TTN: variants seen among roughly 807,000 people sequenced by gnomAD.
TTN encodes the protein connectin.
In TTN, 1,525 loss-of-function variants were observed where a neutral mutation model predicts 3,223.0. The observed-to-expected ratio is 0.47, with a 90% CI of 0.45 to 0.49. The LOEUF is 0.49. TTN is among the 20% of genes least tolerant of loss of function. The pLI is 0.00. For missense variants in TTN, 40,786 were observed against 43,424.0 expected (o/e 0.94, Z 5.40); for synonymous variants, 14,094 against 15,161.0 (o/e 0.93, Z 5.17).
chr2:178,729,347 T>G lies in TTN; in HGVS notation c.18809A>C (p.Gln6270Pro). The G allele has an allele frequency of 6.2e-7, 1 of 1,613,548 alleles. No homozygotes were observed. The highest frequency in any genetic ancestry group is 8.5e-7 in the Non-Finnish European group (1 of 1,179,600). The change falls in exon 64 of 363, where the codon CAG (glutamine) becomes CCG (proline). Residue 6270 changes from glutamine to proline, a missense_variant. Coordinates refer to ENST00000589042, the MANE Select transcript of TTN (RefSeq NM_001267550.2). ...KCDPSDTGEY[Q>P]CIVSNEGGSC... is the part of the protein sequence containing the mutation. Reference sequence around the variant, plus strand: ...GCCGCCTTCATTGGATACAATGCACTGGTATTCCCCAGTGTCTGAAGGGTC... The same window carrying G: ...GCCGCCTTCATTGGATACAATGCACGGGTATTCCCCAGTGTCTGAAGGGTC...
rs2154302642 is a variant in TTN, at chr2:178,723,153, C to T, written c.21854G>A (p.Cys7285Tyr). The T allele has an allele frequency of 1.2e-6, 2 of 1,613,466 alleles. No homozygotes were observed. The highest frequency in any genetic ancestry group is 2.2e-5 in the East Asian group (1 of 44,846). ...KCNIVTTEKTCILEILNSTKR... is the reference protein window; with the variant it reads ...KCNIVTTEKTYILEILNSTKR... ...TGTGCTATTCAGAATTTCCAGGATA[C>T]AAGTTTTCTCTGTTGTGACTATGTT... Residue 7285 changes from cysteine to tyrosine, a missense_variant, in exon 75 of 363, where the codon TGT becomes TAT. Coordinates refer to ENST00000589042, the MANE Select transcript of TTN (RefSeq NM_001267550.2).
At position 178,702,408 on chromosome 2, in the gene TTN, C is replaced by T. The variant is rs371438763; in HGVS notation, c.30433+46G>A. On this transcript the variant is annotated intron_variant, in intron 107 of 362. Transcript: ENST00000589042. ...ACAGGGTAGAAATACAGAAAACAGA[C>T]GAGGCTTAAATTATACATTCACTGG... 1.5e-4 allele frequency: 237 copies of T among 1,610,262 alleles called. 1 individual carries two copies. The African/African-American group carries it at 1.7e-3, about 11-fold the overall frequency.
chr2:178,744,888 C>G (rs1156516506), intron 47 of TTN: 6 of 985,116 alleles, frequency 6.1e-6, no homozygotes, highest in Non-Finnish European at 6.0e-6. Flanking sequence ...TTGCAAATGT[C>G]TAGGTGAACC....
At chr2:178,798,625 T>C (rs956564473) in intron 6 of TTN, 1 of 152,190 alleles carries the variant, frequency 6.6e-6, no homozygotes, top group African/African-American at 2.4e-5. Context: ...ATCATTCTTA[T>C]TGTGACTCTC....
chr2:178,720,248 C>T lies in TTN; in HGVS notation c.23394G>A (p.Val7798=), dbSNP rs758745049. The change falls in exon 81 of 363, where the codon GTG becomes GTA. Residue 7798 remains valine, a synonymous_variant. Transcript: ENST00000589042. Reference sequence around the variant, plus strand: ...GGGTTGAGGTGTCACTTAGCTTTTTCACGAATCGTGGAGGTTCTGATGAAA... The same window carrying T: ...GGGTTGAGGTGTCACTTAGCTTTTTTACGAATCGTGGAGGTTCTGATGAAA... ...SVKFKEPPRF[V]KKLSDTSTLI... 1 of 1,610,160 alleles carries T rather than the reference C, an allele frequency of 6.2e-7. No homozygotes were observed. The highest frequency in any genetic ancestry group is 1.7e-5 in the Admixed American group (1 of 59,754).
chr2:178,712,314 C>T lies in TTN; in HGVS notation c.27607+1G>A. 6.2e-7 allele frequency: 1 copy of T among 1,612,260 alleles called. No homozygotes were observed. Among genetic ancestry groups the T allele is most frequent in the African/African-American group, 1.3e-5 (1 of 74,944 alleles). ...GATAAAAATGTGCAATCATGACAAACCTAGTATGAGTATTTGTGCTGAACA... is the reference window on the plus strand; with the variant it reads ...GATAAAAATGTGCAATCATGACAAATCTAGTATGAGTATTTGTGCTGAACA... On this transcript the variant is annotated splice_donor_variant, in intron 95 of 362. Coordinates refer to ENST00000589042, the MANE Select transcript of TTN (RefSeq NM_001267550.2). LOFTEE classifies it high-confidence loss of function.
chr2:178,652,004 A>C, intron 204 of TTN, 37 bp from the exon 205 acceptor site: 2 of 1,611,178 alleles, frequency 1.2e-6, no homozygotes, highest in Non-Finnish European at 1.7e-6. Flanking sequence ...GCCAGAATTG[A>C]CTAAAACTGA....
intron 127 of TTN, among the ~76,000 whole-genome samples, chr2:178,687,785 C>T (rs1428734427): frequency 6.6e-6 from 1 of 152,142 alleles, no homozygotes; most frequent in Non-Finnish European, 1.5e-5. Flanking sequence ...GCCAGCCCAC[C>T]ATGCTGAAGC....
Position 178,715,707 on chromosome 2 carries a change from A to T in TTN, c.25707T>A (p.Tyr8569Ter). Residue 8569 changes from tyrosine (Y) to a stop codon, truncating the protein, a stop_gained, in exon 89 of 363, where the codon TAT becomes TAA. Transcript: ENST00000589042. LOFTEE classifies it high-confidence loss of function. ...CTGGAGACCCACCGATTTTGCATTC[A>T]TACCTTGTGAATTCATCCTGTTTCA... is the stretch of plus-strand genomic sequence containing the variant. ...RIVKQDEFTR[Y>*]ECKIGGSPEI... is the part of the protein sequence containing the mutation. The T allele has an allele frequency of 6.2e-7, 1 of 1,606,220 alleles. No individual in the cohort carries two copies. The highest frequency in any genetic ancestry group is 8.5e-7 in the Non-Finnish European group (1 of 1,175,744).
Position 178,541,463 on chromosome 2 carries a change from G to A in TTN, c.97614C>T (p.Arg32538=), listed in dbSNP as rs2154141628. 1 of 1,613,398 alleles carries A rather than the reference G, an allele frequency of 6.2e-7. No homozygotes were observed. The highest frequency in any genetic ancestry group is 8.5e-7 in the Non-Finnish European group (1 of 1,179,578). ...CCCATCGATCTGCTCTCACTTCTTT[G>A]CGCTCCACAATATATCCAGTCACTT... The part of the protein sequence containing the change: ...GSQVTGYIVE[R]KEVRADRWVR... The change falls in exon 350 of 363, where the codon CGC becomes CGT. Residue 32538 remains arginine, a synonymous_variant. Coordinates refer to ENST00000589042, the MANE Select transcript of TTN (RefSeq NM_001267550.2).
At chr2:178,781,312 T>C in intron 20 of TTN, 49 bp from the exon 21 acceptor site, 1 of 1,605,902 alleles carries the variant, frequency 6.2e-7, no homozygotes, top group Non-Finnish European at 8.5e-7. Flanking sequence ...ACAACTCTTC[T>C]GTGGGTAAAA....
chr2:178,679,992 T>C lies in TTN; in HGVS notation c.33482A>G (p.His11161Arg), dbSNP rs985554224. ...EVAFEEEVVT[H>R]VEEYLVEEEE... is the part of the protein sequence containing the mutation. ...TTCTTCTACAAGATATTCTTCTACATGGGTTACAACTTCCTCTTCAAAGGC... is the reference window on the plus strand; with the variant it reads ...TTCTTCTACAAGATATTCTTCTACACGGGTTACAACTTCCTCTTCAAAGGC... The change falls in exon 140 of 363, where the codon CAT (histidine) becomes CGT (arginine). Residue 11161 changes from histidine to arginine, a missense_variant. By Grantham distance (29) the His-to-Arg change is conservative (BLOSUM62 0). Transcript: ENST00000589042. The C allele has an allele frequency of 6.8e-6, 11 of 1,613,258 alleles. No homozygotes were observed. Among genetic ancestry groups the C allele is most frequent in the South Asian group, 2.2e-5 (2 of 91,056 alleles).
intron 47 of TTN, chr2:178,742,733 G>A (rs989568708): frequency 3.3e-5 from 5 of 152,066 alleles, no homozygotes; most frequent in African/African-American, 9.7e-5. Context: ...CAAGGAATTC[G>A]ATTTTTTATT....
chr2:178,744,130 T>A (rs2083002666), intron 47 of TTN, among the ~76,000 whole-genome samples: 1 of 151,984 alleles, frequency 6.6e-6, no homozygotes, highest in African/African-American at 2.4e-5. Flanking sequence ...ATTGTTTACA[T>A]TTCTAATTAA....
rs764553108 is a variant in TTN at position 178,672,049 on chromosome 2, C to A, written c.35149G>T (p.Glu11717Ter). The change falls in exon 155 of 363, where the codon GAA (glutamate) becomes TAA (stop). Residue 11717 changes from glutamate to a stop codon, truncating the protein, a stop_gained. Transcript: ENST00000589042. LOFTEE classifies it high-confidence loss of function. ...ACTTCTATTACCCTATGAACTTTTTCAACTCTGTGTTCTTCTTCAACTCTA... is the reference window on the plus strand; with the variant it reads ...ACTTCTATTACCCTATGAACTTTTTAAACTCTGTGTTCTTCTTCAACTCTA... ...QHRVEEEHRVEKVHRVIEVFE... is the reference protein window; with the variant it reads ...QHRVEEEHRV 3 of 1,610,660 alleles carry A rather than the reference C, an allele frequency of 1.9e-6. No individual in the cohort carries two copies. The highest frequency in any genetic ancestry group is 2.5e-6 in the Non-Finnish European group (3 of 1,178,746).
chr2:178,677,300 T>C lies in TTN; in HGVS notation c.34292-13A>G, dbSNP rs553980554. 1.7e-6 allele frequency: 2 copies of C among 1,160,146 alleles called. No homozygotes were observed. Among genetic ancestry groups the C allele is most frequent in the South Asian group, 4.5e-5 (1 of 22,322 alleles). 71.9% of individuals were successfully genotyped at this position (1,160,146 alleles called of 1,614,324 possible). A position where few individuals can be genotyped will look rare whatever the true frequency, so the allele number is the denominator to read the frequency against. ...GGCACTTCAGGCACTTAAAAACATT[T>C]CATTTGAAGGCATTAAAAACCACAT... On this transcript the variant is annotated splice_polypyrimidine_tract_variant and intron_variant, in intron 146 of 362. Transcript: ENST00000589042.
In TTN at chr2:178,543,508, T is replaced by TA; in HGVS notation, c.96464dup (p.Thr32156AsnfsTer37). 6.2e-7 allele frequency: 1 copy of TA among 1,613,658 alleles called. No individual in the cohort carries two copies. Among genetic ancestry groups the TA allele is most frequent in the Non-Finnish European group, 8.5e-7 (1 of 1,179,758 alleles). On this transcript the variant is annotated frameshift_variant, in exon 347 of 363. Coordinates refer to ENST00000589042, the MANE Select transcript of TTN (RefSeq NM_001267550.2). LOFTEE classifies it high-confidence loss of function. ...AAAGTGTCTTGCTGCATTTGGTAGT[T>TA]ACTGTTTTGAATGCTCTCATAGCAG...
In TTN at chr2:178,611,043, A is replaced by C; in HGVS notation, c.51086T>G (p.Leu17029Arg). ...TGTTGCTGAGCCGAGCTTATTCTCC[A>C]GTGTAATGGTATAAATTCCGGCATC... ...RADAGIYTITLENKLGSATAS... is the reference protein window; with the variant it reads ...RADAGIYTITRENKLGSATAS... The change falls in exon 270 of 363, where the codon CTG becomes CGG. Residue 17029 changes from leucine to arginine, a missense_variant. Physicochemically the swap from Leu to Arg is moderately radical, Grantham distance 102. Transcript: ENST00000589042. 1.2e-6 allele frequency: 2 copies of C among 1,612,734 alleles called. No individual in the cohort carries two copies. The highest frequency in any genetic ancestry group is 1.7e-6 in the Non-Finnish European group (2 of 1,179,136).
Position 178,757,201 on chromosome 2 carries a change from T to C in TTN, c.10678+341A>G, listed in dbSNP as rs537476797. ...TTACTTTAAGTACAGTAAGTAATAC[T>C]GTACTTACTTTAAGTACAGTAAGTA... On this transcript the variant is annotated intron_variant, in intron 45 of 362. Transcript: ENST00000589042. Among the ~76,000 whole-genome samples, 375 of 152,256 alleles carry C rather than the reference T, an allele frequency of 2.5e-3. 7 individuals carry two copies. The highest frequency in any genetic ancestry group is 8.5e-3 in the African/African-American group (355 of 41,522).
Sources: allele counts gnomAD v4.1 joint callset (sites outside exome capture counted in the v4.1 genomes callset), GRCh38; gene constraint gnomAD v4.1.1; transcripts MANE v1.5; gene names NCBI Gene and HGNC (gene_info 2026-07-23, HGNC 2026-07-21).